IGF1R: variants seen among roughly 807,000 people sequenced by gnomAD.
The protein encoded by IGF1R is insulin-like growth factor 1 receptor.
A neutral mutation model predicts 144.6 loss-of-function variants in IGF1R; 44 were observed. The ratio of observed to expected loss-of-function variants is 0.30; its 90% CI spans 0.24 to 0.39. The LOEUF (loss-of-function observed/expected upper bound fraction) is 0.39, where lower values mean the gene tolerates loss of function less well. Among genes scored for constraint, IGF1R ranks in the 10% least tolerant of loss-of-function variants. The probability of loss-of-function intolerance (pLI) is 1.00; values close to 1 mark genes in which losing one functional copy is unlikely to be tolerated. For missense variants in IGF1R, 1,355 were observed against 1,833.7 expected, an observed-to-expected ratio of 0.74 and a Z score of 4.77; for synonymous variants, 795 against 722.8, an observed-to-expected ratio of 1.10 and a Z score of -1.60.
At chr15:98,930,327 A>C in intron 15 of IGF1R, 22 bp downstream of exon 15, 1 of 1,584,536 alleles carries the variant, frequency 6.3e-7, no homozygotes. Flanking sequence ...GGCCACCAGC[A>C]CTGCCAGCGT....
chr15:98,751,974 A>G (rs529809602), intron 2 of IGF1R, among the ~76,000 whole-genome samples: 77 of 152,228 alleles, frequency 5.1e-4, no homozygotes, highest in Middle Eastern at 3.4e-3. Context: ...TGTATTATAC[A>G]TGTATTTTGT....
intron 2 of IGF1R, among the ~76,000 whole-genome samples, chr15:98,743,048 G>A (rs974432902): frequency 6.6e-6 from 1 of 152,004 alleles, no homozygotes; most frequent in Admixed American, 6.5e-5. Context: ...AGTGTGTTGT[G>A]GTAATCATGA....
intron 5 of IGF1R, among the ~76,000 whole-genome samples, chr15:98,904,962 A>G (rs554096438): frequency 6.6e-6 from 1 of 152,206 alleles, no homozygotes; most frequent in Non-Finnish European, 1.5e-5. Context: ...TGTTTAGCCC[A>G]TCCAATTCTT....
At chr15:98,667,808 C>A (rs1596159809) in intron 1 of IGF1R, among the ~76,000 whole-genome samples, 1 of 152,074 alleles carries the variant, frequency 6.6e-6, no homozygotes, top group South Asian at 2.1e-4. Flanking sequence ...TTTCTCTGGA[C>A]CTCCAAAGCA....
At chr15:98,895,041 A>G (rs1165522071) in intron 3 of IGF1R, among the ~76,000 whole-genome samples, 3 of 149,652 alleles carry the variant, frequency 2.0e-5, no homozygotes, top group Non-Finnish European at 4.4e-5. Flanking sequence ...AAAAAGACAG[A>G]TTGTAGACAT....
chr15:98,843,964 T>C (rs1444435979), intron 2 of IGF1R, among the ~76,000 whole-genome samples: 1 of 152,218 alleles, frequency 6.6e-6, no homozygotes, highest in Non-Finnish European at 1.5e-5. Flanking sequence ...TTCCTTTTGT[T>C]TGTTTGTTTT....
At chr15:98,877,116 C>G (rs2013098358) in intron 2 of IGF1R, among the ~76,000 whole-genome samples, 1 of 152,194 alleles carries the variant, frequency 6.6e-6, no homozygotes, top group African/African-American at 2.4e-5. Context: ...TGATCTGTAG[C>G]TGTTGCTGTC....
chr15:98,804,774 T>C (rs548030638), intron 2 of IGF1R, among the ~76,000 whole-genome samples: 50 of 152,352 alleles, frequency 3.3e-4, no homozygotes, highest in Admixed American at 1.2e-3. Flanking sequence ...CTCGGCTCAC[T>C]GCAACCTCCA....
chr15:98,765,296 T>C (rs772411956), intron 2 of IGF1R, among the ~76,000 whole-genome samples: 1 of 144,298 alleles, frequency 6.9e-6, no homozygotes, highest in Non-Finnish European at 1.5e-5. Flanking sequence ...CACCCAATGA[T>C]CATGCCAACA....
intron 2 of IGF1R, among the ~76,000 whole-genome samples, chr15:98,882,405 G>T (rs1260356046): frequency 6.6e-6 from 1 of 152,222 alleles, no homozygotes; most frequent in African/African-American, 2.4e-5. Context: ...AGCTCCCTTG[G>T]ACTTTGTTTG....
At chr15:98,765,700 A>G (rs2055420117) in intron 2 of IGF1R, among the ~76,000 whole-genome samples, 1 of 152,262 alleles carries the variant, frequency 6.6e-6, no homozygotes, top group South Asian at 2.1e-4. Context: ...AAAAAGAAAA[A>G]TATTCAAAAC....
intron 2 of IGF1R, among the ~76,000 whole-genome samples, chr15:98,881,314 T>A (rs12595662): frequency 0.067 from 10,204 of 152,252 alleles, 639 homozygotes; most frequent in African/African-American, 0.15. Context: ...TTTTAAAATA[T>A]TCATTCATTT....
chr15:98,700,109 T>C (rs1230859743), intron 1 of IGF1R, among the ~76,000 whole-genome samples: 1 of 152,210 alleles, frequency 6.6e-6, no homozygotes, highest in Non-Finnish European at 1.5e-5. Context: ...ATCATAACAT[T>C]GTCTTTTTCC....
intron 1 of IGF1R, among the ~76,000 whole-genome samples, chr15:98,695,327 T>A (rs1435362705): frequency 1.3e-5 from 2 of 152,188 alleles, no homozygotes; most frequent in Non-Finnish European, 2.9e-5. Flanking sequence ...AGGTTTCTAC[T>A]CTCAGAGGCT....
At chr15:98,770,783 G>C (rs954102119) in intron 2 of IGF1R, among the ~76,000 whole-genome samples, 4 of 152,032 alleles carry the variant, frequency 2.6e-5, no homozygotes. Context: ...GGTTCTACTT[G>C]CCGGCAGGGA....
chr15:98,901,681 A>G (rs1057169169), intron 5 of IGF1R, among the ~76,000 whole-genome samples: 6 of 152,230 alleles, frequency 3.9e-5, no homozygotes, highest in Non-Finnish European at 8.8e-5. Flanking sequence ...CAGTGATACA[A>G]GGGAAAGAAA....
intron 2 of IGF1R, among the ~76,000 whole-genome samples, chr15:98,718,379 C>T (rs1453970459): frequency 6.6e-6 from 1 of 152,192 alleles, no homozygotes. Context: ...ACTGCCCCAA[C>T]GTGTAGCTGC....
Position 98,891,563 on chromosome 15 carries a change from C to T in IGF1R, c.879C>T (p.Ser293=), listed in dbSNP as rs766174659. 1.7e-5 allele frequency: 27 copies of T among 1,609,156 alleles called. No homozygotes were observed. Among genetic ancestry groups the T allele is most frequent in the Middle Eastern group, 1.6e-4 (1 of 6,062 alleles). Reference sequence around the variant, plus strand: ...TCCTCAGCGCCGAGAGCAGCGACTCCGAGGGGTTTGTGATCCACGACGGCG... The same window carrying T: ...TCCTCAGCGCCGAGAGCAGCGACTCTGAGGGGTTTGTGATCCACGACGGCG... ...ANILSAESSD[S]EGFVIHDGEC... is the part of the protein sequence containing the mutation. The change falls in exon 3 of 21, where the codon TCC becomes TCT. Residue 293 remains serine, a synonymous_variant. Coordinates refer to ENST00000650285, the MANE Select transcript of IGF1R (RefSeq NM_000875.5). This position sits in a 1 kb window ranked among gnomAD's most constrained non-coding sequence, Gnocchi z 4.7.
rs912126048 is a variant in IGF1R at position 98,959,040 on chromosome 15, G to C, written c.*1598G>C. The C allele has an allele frequency of 4.3e-6, 1 of 233,178 alleles. No homozygotes were observed. The highest frequency in any genetic ancestry group is 8.5e-6 in the Non-Finnish European group (1 of 118,036). The allele number at this position is 233,178 out of a possible 1,614,324, so 14.4% of individuals were successfully genotyped here. On this transcript the variant is annotated 3_prime_UTR_variant, in exon 21 of 21. Transcript: ENST00000650285. ...CTCCTCTCCCCAGCCTGCCCTCACAGCATTGGAGCCTGTTACAGTGCAAGA... is the reference window on the plus strand; with the variant it reads ...CTCCTCTCCCCAGCCTGCCCTCACACCATTGGAGCCTGTTACAGTGCAAGA...
Sources: gnomAD v4.1 joint callset for allele counts (sites outside exome capture counted in the v4.1 genomes callset) on GRCh38, gnomAD v4.1.1 for gene constraint, Gnocchi (gnomAD v3.1) non-coding constraint, MANE v1.5 for transcripts, NCBI Gene and HGNC (gene_info 2026-07-23, HGNC 2026-07-21) for gene names.